FAM221B: variants seen among roughly 807,000 people sequenced by gnomAD.
The protein encoded by FAM221B is protein FAM221B.
FAM221B carries 35 observed loss-of-function variants against 39.8 expected under a neutral mutation model. The ratio of observed to expected loss-of-function variants is 0.88; its 90% CI spans 0.67 to 1.17. The LOEUF (loss-of-function observed/expected upper bound fraction) is 1.17, where lower values mean the gene tolerates loss of function less well. Among genes scored for constraint, FAM221B ranks in the 50% most tolerant of loss-of-function variants. FAM221B has a pLI of 0.00. For missense variants in FAM221B, 479 were observed against 503.1 expected (o/e 0.95, Z 0.46); for synonymous variants, 158 against 178.1 (o/e 0.89, Z 0.90).
chr9:35,826,043 A>G lies in FAM221B; in HGVS notation c.119T>C (p.Leu40Ser), dbSNP rs1313929187. The change falls in exon 2 of 7, where the codon TTG becomes TCG. Residue 40 changes from leucine to serine, a missense_variant. Coordinates refer to ENST00000423537, the MANE Select transcript of FAM221B (RefSeq NM_001012446.4). Reference protein sequence around the residue: ...LQENHISESFLKPSTSETPLE... With the variant: ...LQENHISESFSKPSTSETPLE... ...CGGGGTCTCAGAGGTGGAAGGCTTC[A>G]AGAAGCTTTCAGAGATATGGTTCTC... is the stretch of plus-strand genomic sequence containing the variant. 1 of 1,614,150 alleles carries G rather than the reference A, an allele frequency of 6.2e-7. No individual in the cohort carries two copies. Among genetic ancestry groups the G allele is most frequent in the South Asian group, 1.1e-5 (1 of 91,078 alleles).
chr9:35,821,699 G>A, intron 3 of FAM221B: 7 of 1,155,076 alleles, frequency 6.1e-6, no homozygotes, highest in Non-Finnish European at 8.3e-6. Context: ...GGAGGGCCGG[G>A]GGGCAGTCAA....
intron 3 of FAM221B, chr9:35,821,301 G>A (rs552348934): frequency 5.7e-6 from 3 of 530,132 alleles, no homozygotes; most frequent in African/African-American, 4.0e-5. Flanking sequence ...TCCTTCAAGA[G>A]GAAGAGAGAG....
chr9:35,818,531 A>G (rs1345147841), intron 6 of FAM221B, 25 bp from the exon 7 acceptor site: 5 of 1,551,082 alleles, frequency 3.2e-6, no homozygotes, highest in Non-Finnish European at 2.6e-6. Context: ...AGCAGAGGTG[A>G]AAGGGTCAGG....
At chr9:35,824,751 G>A (rs1257098987) in intron 3 of FAM221B, among the ~76,000 whole-genome samples, 2 of 149,268 alleles carry the variant, frequency 1.3e-5, no homozygotes, top group African/African-American at 2.5e-5. Flanking sequence ...GCGCAATCTC[G>A]GCTCACTGCA....
Position 35,818,414 on chromosome 9 carries a change from A to G in FAM221B, c.*55T>C, listed in dbSNP as rs1829060223. 12 of 1,522,364 alleles carry G rather than the reference A, an allele frequency of 7.9e-6. No individual in the cohort carries two copies. Among genetic ancestry groups the G allele is most frequent in the Middle Eastern group, 1.7e-4 (1 of 5,936 alleles). The allele number at this position is 1,522,364 out of a possible 1,614,324, so 94.3% of individuals were successfully genotyped here. On this transcript the variant is annotated 3_prime_UTR_variant, in exon 7 of 7. Coordinates refer to ENST00000423537, the MANE Select transcript of FAM221B (RefSeq NM_001012446.4). ...CTGGGCTGGGATCTACCTGCCCCAT[A>G]TAGAGCCAAGTCAGGTTCCAATGAC...
At position 35,818,285 on chromosome 9, in the gene FAM221B, T is replaced by C; in HGVS notation, c.*184A>G. 1.6e-6 allele frequency: 1 copy of C among 610,900 alleles called. No individual in the cohort carries two copies. The highest frequency in any genetic ancestry group is 2.0e-5 in the South Asian group (1 of 49,508). The allele number at this position is 610,900 out of a possible 1,614,324, so 37.8% of individuals were successfully genotyped here. On this transcript the variant is annotated 3_prime_UTR_variant, in exon 7 of 7. Transcript: ENST00000423537. ...TTGACTTCCTTGAAGCCACTTTCCT[T>C]CAACAGGCAGCTTGAATGTGAGTGT...
chr9:35,826,118 TC>T lies in FAM221B; in HGVS notation c.43del (p.Asp15MetfsTer26). Reference sequence around the variant, plus strand: ...CTTTGAAGGGGGGTGCTTCTCTGCATCCATGGTGATATGAGGCTCTTCTATG... The same window carrying T: ...CTTTGAAGGGGGGTGCTTCTCTGCATCATGGTGATATGAGGCTCTTCTATG... ...EIIEEPHITM[D>X]AEKHPPSKDP... On this transcript the variant is annotated frameshift_variant, in exon 2 of 7. Transcript: ENST00000423537. LOFTEE classifies it high-confidence loss of function. The T allele has an allele frequency of 6.2e-7, 1 of 1,609,046 alleles. No homozygotes were observed. Among genetic ancestry groups the T allele is most frequent in the Non-Finnish European group, 8.5e-7 (1 of 1,177,776 alleles).
At chr9:35,823,156 G>T (rs2132145919) in intron 3 of FAM221B, among the ~76,000 whole-genome samples, 1 of 152,332 alleles carries the variant, frequency 6.6e-6, no homozygotes, top group South Asian at 2.1e-4. Flanking sequence ...CAGCTGAGAA[G>T]TCATTCCTTC....
At chr9:35,821,509 T>G (rs781216860) in intron 3 of FAM221B, 8 of 1,367,812 alleles carry the variant, frequency 5.8e-6, no homozygotes, top group Admixed American at 1.9e-5. Context: ...TTGATGCTGA[T>G]TGCCTGTAGT....
At chr9:35,824,822 C>G (rs1000586371) in intron 3 of FAM221B, among the ~76,000 whole-genome samples, 2 of 152,062 alleles carry the variant, frequency 1.3e-5, no homozygotes, top group South Asian at 2.1e-4. Flanking sequence ...GCTGGGACTA[C>G]AGGCACCTGC....
rs757135000 is a variant in FAM221B at position 35,826,053 on chromosome 9, C to A, written c.109G>T (p.Glu37Ter). 5.6e-6 allele frequency: 9 copies of A among 1,613,994 alleles called. No homozygotes were observed. Among genetic ancestry groups the A allele is most frequent in the Non-Finnish European group, 7.6e-6 (9 of 1,180,020 alleles). The change falls in exon 2 of 7, where the codon GAA becomes TAA. Residue 37 changes from glutamate to a stop codon, truncating the protein, a stop_gained. Coordinates refer to ENST00000423537, the MANE Select transcript of FAM221B (RefSeq NM_001012446.4). LOFTEE classifies it high-confidence loss of function. ...AEDLQENHISESFLKPSTSET... is the reference protein window; with the variant it reads ...AEDLQENHIS ...GAGGTGGAAGGCTTCAAGAAGCTTTCAGAGATATGGTTCTCCTGTAAGTCC... is the reference window on the plus strand; with the variant it reads ...GAGGTGGAAGGCTTCAAGAAGCTTTAAGAGATATGGTTCTCCTGTAAGTCC...
In FAM221B at chr9:35,816,533, A is replaced by G. The variant is rs772107681; in HGVS notation, c.*1936T>C. ...TATGATACTAACCCATGTGTAATCA[A>G]TTTTTCATATTTTTACAGTCTACGT... On this transcript the variant is annotated 3_prime_UTR_variant, in exon 7 of 7. Coordinates refer to ENST00000423537, the MANE Select transcript of FAM221B (RefSeq NM_001012446.4). 5.3e-5 allele frequency: 8 copies of G among 151,608 alleles called. No homozygotes were observed. Among genetic ancestry groups the G allele is most frequent in the African/African-American group, 1.2e-4 (5 of 41,302 alleles). The allele number at this position is 151,608 out of a possible 1,614,324, so 9.4% of individuals were successfully genotyped here. A position where few individuals can be genotyped will look rare whatever the true frequency, so the allele number is the denominator to read the frequency against.
chr9:35,821,627 G>A, intron 3 of FAM221B: 1 of 1,367,120 alleles, frequency 7.3e-7, no homozygotes, highest in Non-Finnish European at 9.8e-7. Context: ...TCCGAATTCT[G>A]TCTGGAGTAG....
chr9:35,819,331 C>A lies in FAM221B; in HGVS notation c.917G>T (p.Arg306Leu). Reference protein sequence around the residue: ...RCFMFCFIPSRPEEVGEFWLK... With the variant: ...RCFMFCFIPSLPEEVGEFWLK... ...CCAGAACTCACCCACCTCCTCTGGG[C>A]GTGATGGGATAAAGCAGAACATGAA... The change falls in exon 5 of 7, where the codon CGC becomes CTC. Residue 306 changes from arginine (R) to leucine (L), a missense_variant. Coordinates refer to ENST00000423537, the MANE Select transcript of FAM221B (RefSeq NM_001012446.4). 5.2e-6 allele frequency: 8 copies of A among 1,551,706 alleles called. No homozygotes were observed. The highest frequency in any genetic ancestry group is 7.0e-6 in the Non-Finnish European group (8 of 1,146,994).
chr9:35,822,644 G>T (rs1829176399), intron 3 of FAM221B, among the ~76,000 whole-genome samples: 1 of 152,120 alleles, frequency 6.6e-6, no homozygotes. Context: ...CCTAGCCTCA[G>T]GTGATCCACC....
chr9:35,827,369 A>T (rs1225243260), intron 1 of FAM221B, among the ~76,000 whole-genome samples: 1 of 152,062 alleles, frequency 6.6e-6, no homozygotes, highest in Non-Finnish European at 1.5e-5. Context: ...CCATTCTTTC[A>T]TGGATTTATG....
rs2132135193 is a variant in FAM221B, at chr9:35,818,881, CTGCCTCACCGCGAGGCCTTCCTCCTCGT to C, written c.1152_1171+8del. ...TGGAATGGCCCCCTGTCCCAGGTTTCTGCCTCACCGCGAGGCCTTCCTCCTCGTTGCCGGGTCTTCTGGGTGTCAAAGA... is the reference window on the plus strand; with the variant it reads ...TGGAATGGCCCCCTGTCCCAGGTTTCTGCCGGGTCTTCTGGGTGTCAAAGA... On this transcript the variant is annotated splice_donor_variant and splice_donor_5th_base_variant and coding_sequence_variant and intron_variant, in exon 6 of 7. Transcript: ENST00000423537. LOFTEE classifies it high-confidence loss of function. The C allele has an allele frequency of 6.4e-7, 1 of 1,551,652 alleles. No homozygotes were observed. Among genetic ancestry groups the C allele is most frequent in the Non-Finnish European group, 8.7e-7 (1 of 1,147,044 alleles).
At chr9:35,820,976 G>GC (rs972021720) in intron 3 of FAM221B, among the ~76,000 whole-genome samples, 5 of 152,146 alleles carry the variant, frequency 3.3e-5, no homozygotes, top group African/African-American at 1.2e-4. Context: ...CCTGTATGAG[G>GC]CCCCATGCAG....
chr9:35,826,108 C>T lies in FAM221B; in HGVS notation c.54G>A (p.Lys18=), dbSNP rs773604049. ...EEPHITMDAE[K]HPPSKDPSAE... ...CAGAGGGGTCCTTTGAAGGGGGGTGCTTCTCTGCATCCATGGTGATATGAG... is the reference window on the plus strand; with the variant it reads ...CAGAGGGGTCCTTTGAAGGGGGGTGTTTCTCTGCATCCATGGTGATATGAG... The change falls in exon 2 of 7, where the codon AAG becomes AAA. Residue 18 remains lysine, a synonymous_variant. Coordinates refer to ENST00000423537, the MANE Select transcript of FAM221B (RefSeq NM_001012446.4). 12 of 1,611,244 alleles carry T rather than the reference C, an allele frequency of 7.4e-6. No homozygotes were observed. The highest frequency in any genetic ancestry group is 2.2e-5 in the East Asian group (1 of 44,878).
Sources: allele counts gnomAD v4.1 joint callset (sites outside exome capture counted in the v4.1 genomes callset), GRCh38; gene constraint gnomAD v4.1.1; transcripts MANE v1.5; gene names NCBI Gene and HGNC (gene_info 2026-07-23, HGNC 2026-07-21).